PCDHGA9: variants seen among roughly 807,000 people sequenced by gnomAD.
PCDHGA9 encodes protocadherin gamma-A9.
Under a neutral mutation model 62.5 loss-of-function variants are expected in PCDHGA9, and 37 were observed. That is an observed-to-expected ratio of 0.59 (90% CI 0.46 to 0.78). The LOEUF (loss-of-function observed/expected upper bound fraction) is 0.78. Among genes scored for constraint, PCDHGA9 ranks in the 30% least tolerant of loss-of-function variants. PCDHGA9 has a pLI of 0.00. For synonymous variants in PCDHGA9, 459 were observed against 484.6 expected (o/e 0.95, Z 0.69); for missense variants, 1,138 against 1,166.2 (o/e 0.98, Z 0.35).
chr5:141,464,343 A>C (rs944042669), intron 1 of PCDHGA9, among the ~76,000 whole-genome samples: 7 of 151,212 alleles, frequency 4.6e-5, no homozygotes, highest in African/African-American at 1.5e-4. Context: ...ATGACTTGTC[A>C]TTTAGGTAGT....
intron 2 of PCDHGA9, among the ~76,000 whole-genome samples, chr5:141,502,056 C>T (rs1163976282): frequency 1.3e-5 from 2 of 152,116 alleles, no homozygotes; most frequent in Non-Finnish European, 2.9e-5. Flanking sequence ...CTACTTTATT[C>T]CCATTAGCCC....
chr5:141,490,080 T>A lies in PCDHGA9; in HGVS notation c.2425-4727T>A, dbSNP rs2099695881. On this transcript the variant is annotated intron_variant, in intron 1 of 3. Coordinates refer to ENST00000573521, the MANE Select transcript of PCDHGA9 (RefSeq NM_018921.3). The surrounding 1 kb of genome is among the most constrained non-coding windows in gnomAD (Gnocchi z 5.4). ...GCACCAACGGCCAACTAGACTATTCTTTTGGAGACCACACATCTGAGGCAG... is the reference window on the plus strand; with the variant it reads ...GCACCAACGGCCAACTAGACTATTCATTTGGAGACCACACATCTGAGGCAG... The A allele has an allele frequency of 6.2e-7, 1 of 1,614,246 alleles. No homozygotes were observed. The highest frequency in any genetic ancestry group is 2.2e-5 in the East Asian group (1 of 44,884).
At chr5:141,406,109 G>C (rs2094766123) in intron 1 of PCDHGA9, among the ~76,000 whole-genome samples, 1 of 144,746 alleles carries the variant, frequency 6.9e-6, no homozygotes, top group South Asian at 2.2e-4. Flanking sequence ...GTGTCATTCT[G>C]TTGTCCAGGG....
At chr5:141,451,880 A>G (rs1322052501) in intron 1 of PCDHGA9, among the ~76,000 whole-genome samples, 1 of 152,106 alleles carries the variant, frequency 6.6e-6, no homozygotes, top group East Asian at 1.9e-4. Flanking sequence ...AACCCTGTCA[A>G]GAAAGAAAGG....
rs1053018756 is a variant in PCDHGA9, at chr5:141,497,630, G to T, written c.2483+2765G>T. ...TCTTGGCTCACTGCAACCTCTGCCT[G>T]CCAGGTTCAAGCGATTCTCCTGCCT... is the stretch of plus-strand genomic sequence containing the variant. On this transcript the variant is annotated intron_variant, in intron 2 of 3. Coordinates refer to ENST00000573521, the MANE Select transcript of PCDHGA9 (RefSeq NM_018921.3). 3.3e-5 allele frequency among the ~76,000 whole-genome samples: 5 copies of T among 150,256 alleles called. No homozygotes were observed. The Admixed American group carries it at 3.3e-4, about 10-fold the overall frequency.
chr5:141,430,996 G>T, intron 1 of PCDHGA9: 1 of 1,614,024 alleles, frequency 6.2e-7, no homozygotes, highest in Middle Eastern at 1.6e-4. Flanking sequence ...CCCTGAATCC[G>T]CGCAGCGGCA....
intron 1 of PCDHGA9, among the ~76,000 whole-genome samples, chr5:141,482,757 T>G: frequency 7.9e-6 from 1 of 127,194 alleles, no homozygotes; most frequent in Admixed American, 7.7e-5. Flanking sequence ...GATTATGGTA[T>G]TTCATTATCA....
At chr5:141,456,918 G>C (rs535602842) in intron 1 of PCDHGA9, among the ~76,000 whole-genome samples, 49 of 152,124 alleles carry the variant, frequency 3.2e-4, no homozygotes, top group African/African-American at 1.2e-3. Context: ...AGCCGAGATC[G>C]CACCACTGCA....
At chr5:141,427,570 C>A in intron 1 of PCDHGA9, 1 of 662,270 alleles carries the variant, frequency 1.5e-6, no homozygotes, top group Non-Finnish European at 2.8e-6. Flanking sequence ...GGCAAGCCTC[C>A]GCTCTCATCC....
chr5:141,461,213 T>C (rs1457474925), intron 1 of PCDHGA9, among the ~76,000 whole-genome samples: 1 of 152,168 alleles, frequency 6.6e-6, no homozygotes, highest in African/African-American at 2.4e-5. Flanking sequence ...AGAATCTCCA[T>C]ACTGTTTTCC....
chr5:141,443,555 C>T (rs1284929219), intron 1 of PCDHGA9, among the ~76,000 whole-genome samples: 1 of 152,130 alleles, frequency 6.6e-6, no homozygotes, highest in East Asian at 1.9e-4. Flanking sequence ...TGTTCCAATT[C>T]AAATGCTTTA....
intron 1 of PCDHGA9, among the ~76,000 whole-genome samples, chr5:141,457,278 C>T (rs1446074161): frequency 6.6e-6 from 1 of 152,196 alleles, no homozygotes; most frequent in Non-Finnish European, 1.5e-5. Flanking sequence ...TGTGGGCCTA[C>T]GAAGTTCCTT....
intron 1 of PCDHGA9, chr5:141,413,569 G>A: frequency 1.2e-6 from 2 of 1,613,846 alleles, no homozygotes; most frequent in Non-Finnish European, 1.7e-6. Context: ...TGATATCAAT[G>A]ACAATGCTCC....
chr5:141,403,631 C>A lies in PCDHGA9; in HGVS notation c.679C>A (p.Arg227Ser), dbSNP rs751580878. ...CGAGCCGCGTCGCTCCAGCACAGTG[C>A]GCATCCATGTGACAGTGTTGGATAC... ...GGEPRRSSTVRIHVTVLDTND... is the reference protein window; with the variant it reads ...GGEPRRSSTVSIHVTVLDTND... The change falls in exon 1 of 4, where the codon CGC becomes AGC. Residue 227 changes from arginine (R) to serine (S), a missense_variant. Arg to Ser is a moderately radical substitution (Grantham distance 110). Transcript: ENST00000573521. 2.5e-6 allele frequency: 4 copies of A among 1,613,912 alleles called. No homozygotes were observed. Among genetic ancestry groups the A allele is most frequent in the Non-Finnish European group, 2.5e-6 (3 of 1,179,900 alleles).
At chr5:141,436,347 CT>C (rs1402378657) in intron 1 of PCDHGA9, among the ~76,000 whole-genome samples, 1 of 152,118 alleles carries the variant, frequency 6.6e-6, no homozygotes, top group African/African-American at 2.4e-5. Context: ...ATATCAGTGA[CT>C]TCAATCAACT....
At chr5:141,430,285 T>C (rs1456678142) in intron 1 of PCDHGA9, among the ~76,000 whole-genome samples, 18 of 151,710 alleles carry the variant, frequency 1.2e-4, no homozygotes, top group Admixed American at 1.2e-3. Flanking sequence ...GGAACAGTAA[T>C]CTCAAAGCAG....
chr5:141,417,923 C>T, intron 1 of PCDHGA9: 1 of 1,608,652 alleles, frequency 6.2e-7, no homozygotes, highest in Non-Finnish European at 8.5e-7. Context: ...TCCTTTGCTG[C>T]TGCCTTTGTT....
rs1269569845 is a variant in PCDHGA9, at chr5:141,404,399, G to T, written c.1447G>T (p.Glu483Ter). 2 of 1,613,778 alleles carry T rather than the reference G, an allele frequency of 1.2e-6. No individual in the cohort carries two copies. Among genetic ancestry groups the T allele is most frequent in the African/African-American group, 1.3e-5 (1 of 74,930 alleles). Reference sequence around the variant, plus strand: ...GATTGCCTATGACCCTGATAGCAATGAGAATTCTAGAGTTATTTACTCCTT... The same window carrying T: ...GATTGCCTATGACCCTGATAGCAATTAGAATTCTAGAGTTATTTACTCCTT... ...SVIAYDPDSNENSRVIYSLAE... is the reference protein window; with the variant it reads ...SVIAYDPDSN The change falls in exon 1 of 4, where the codon GAG becomes TAG. Residue 483 changes from glutamate (E) to a stop codon, truncating the protein, a stop_gained. Coordinates refer to ENST00000573521, the MANE Select transcript of PCDHGA9 (RefSeq NM_018921.3). LOFTEE classifies it high-confidence loss of function.
chr5:141,414,007 A>G (rs1047239460), intron 1 of PCDHGA9: 2 of 1,613,292 alleles, frequency 1.2e-6, no homozygotes, highest in Non-Finnish European at 1.7e-6. Flanking sequence ...CGAAGGTGCC[A>G]ATGGAGAAGT....
Sources: gnomAD v4.1 joint callset for allele counts (sites outside exome capture counted in the v4.1 genomes callset) on GRCh38, gnomAD v4.1.1 for gene constraint, Gnocchi (gnomAD v3.1) non-coding constraint, MANE v1.5 for transcripts, NCBI Gene and HGNC (gene_info 2026-07-23, HGNC 2026-07-21) for gene names.